Variants in SOX6 observed in about 807,000 individuals in gnomAD.
SOX6 encodes SRY-box transcription factor 6, also known as transcription factor SOX-6.
In SOX6, 11 loss-of-function variants were observed where a neutral mutation model predicts 97.8. The ratio of observed to expected loss-of-function variants is 0.11; its 90% CI spans 0.07 to 0.19. The LOEUF is 0.19. SOX6 is among the 10% of genes least tolerant of loss of function. The pLI is 1.00. For synonymous variants in SOX6, 360 were observed against 371.4 expected (o/e 0.97, Z 0.35); for missense variants, 810 against 1,039.5 (o/e 0.78, Z 3.04).
chr11:15,989,368 G>C lies in SOX6; in HGVS notation c.1733-138C>G, dbSNP rs996884064. The C allele has an allele frequency of 4.6e-6, 3 of 650,250 alleles. No homozygotes were observed. In the East Asian group the frequency reaches 8.3e-5, roughly 18 times the overall value. The allele number at this position is 650,250 out of a possible 1,614,324, so 40.3% of individuals were successfully genotyped here. ...CTAAGTGACTTCTTGGAAGTAGAAG[G>C]CAGGTTCAAATGACAGTTCTACAGG... On this transcript the variant is annotated intron_variant, in intron 13 of 15. Coordinates refer to ENST00000683767, the MANE Select transcript of SOX6 (RefSeq NM_001367873.1).
intron 4 of SOX6, among the ~76,000 whole-genome samples, chr11:16,568,136 A>T (rs776829140): frequency 1.1e-4 from 17 of 152,180 alleles, no homozygotes; most frequent in Admixed American, 6.5e-5. Context: ...ACAAGACATA[A>T]GTAAATTTCT....
intron 1 of SOX6, chr11:16,434,177 T>C (rs1859327478): frequency 6.6e-6 from 1 of 152,116 alleles, no homozygotes; most frequent in South Asian, 2.1e-4. Context: ...AAGTCAACTC[T>C]GCTCTGACTG....
At chr11:16,018,811 A>G (rs1379266263) in intron 12 of SOX6, among the ~76,000 whole-genome samples, 3 of 152,102 alleles carry the variant, frequency 2.0e-5, no homozygotes, top group Admixed American at 6.6e-5. Context: ...ATTATTTTAT[A>G]GTGTCATTAA....
intron 3 of SOX6, among the ~76,000 whole-genome samples, chr11:16,298,574 A>G (rs1855164697): frequency 6.6e-6 from 1 of 152,146 alleles, no homozygotes; most frequent in African/African-American, 2.4e-5. Context: ...CATAGAAACT[A>G]AGGAAATTAT....
At chr11:16,079,115 C>T (rs941177780) in intron 9 of SOX6, among the ~76,000 whole-genome samples, 12 of 152,260 alleles carry the variant, frequency 7.9e-5, no homozygotes, top group Middle Eastern at 3.4e-3. Flanking sequence ...TGGAGATATG[C>T]CAGGGCTGCC....
intron 2 of SOX6, among the ~76,000 whole-genome samples, chr11:16,329,976 T>C (rs922988834): frequency 6.6e-6 from 1 of 152,190 alleles, no homozygotes; most frequent in Non-Finnish European, 1.5e-5. Context: ...TATCCTCTCT[T>C]CATCTAGGGA....
intron 9 of SOX6, among the ~76,000 whole-genome samples, chr11:16,082,480 A>T (rs1198137682): frequency 2.6e-5 from 4 of 152,208 alleles, no homozygotes; most frequent in African/African-American, 9.6e-5. Context: ...ACTGAGAAGC[A>T]ATGTGCTAAA....
intron 11 of SOX6, among the ~76,000 whole-genome samples, 157 bp from the exon 12 acceptor site, chr11:16,046,858 G>C (rs529498614): frequency 3.2e-4 from 48 of 152,268 alleles, no homozygotes; most frequent in African/African-American, 1.1e-3. Flanking sequence ...ATAGAACACA[G>C]AGCCAGGGCA....
chr11:16,412,415 G>T (rs755532216), intron 1 of SOX6, among the ~76,000 whole-genome samples: 32 of 152,160 alleles, frequency 2.1e-4, no homozygotes, highest in Non-Finnish European at 4.0e-4. Flanking sequence ...TTGGCTGTAT[G>T]CATTACAACA....
In SOX6 at chr11:16,510,858, T is replaced by C. The variant is rs148928133; in HGVS notation, n.610-34470A>G. Among the ~76,000 whole-genome samples, 229 of 152,168 alleles carry C rather than the reference T, an allele frequency of 1.5e-3. 1 individual carries two copies. The highest frequency in any genetic ancestry group is 5.1e-3 in the African/African-American group (213 of 41,548). ...TAATTTTTATTCTCCATTTTCCATG[T>C]GGGTAAACTGATTGGGGAGTGGGTG... On this transcript the variant is annotated intron_variant and non_coding_transcript_variant, in intron 4 of 5. Coordinates refer to the SOX6 transcript ENST00000524520.
At chr11:16,266,867 T>C (rs554823517) in intron 3 of SOX6, among the ~76,000 whole-genome samples, 2 of 151,470 alleles carry the variant, frequency 1.3e-5, no homozygotes, top group African/African-American at 4.8e-5. Context: ...ATCATGCATA[T>C]AAAAAACATG....
intron 6 of SOX6, among the ~76,000 whole-genome samples, chr11:16,127,137 G>A (rs1352004718): frequency 6.6e-6 from 1 of 151,898 alleles, no homozygotes; most frequent in African/African-American, 2.4e-5. Flanking sequence ...CAAAGAATAT[G>A]AATAGTAGTT....
At chr11:16,357,609 T>C (rs930268317), upstream of SOX6, among the ~76,000 whole-genome samples, 11 of 152,188 alleles carry the variant, frequency 7.2e-5, no homozygotes, top group African/African-American at 2.7e-4. Flanking sequence ...GACACATTGC[T>C]TGCACATCAT....
At chr11:16,011,851 C>A (rs1299424105) in intron 13 of SOX6, among the ~76,000 whole-genome samples, 1 of 152,066 alleles carries the variant, frequency 6.6e-6, no homozygotes, top group African/African-American at 2.4e-5. Context: ...ACAGAACTTA[C>A]TTATCAACTC....
chr11:16,602,974 T>A (rs949219885), intron 4 of SOX6, among the ~76,000 whole-genome samples: 1 of 151,250 alleles, frequency 6.6e-6, no homozygotes, highest in Non-Finnish European at 1.5e-5. Context: ...TGAGCCGAGA[T>A]CACGCCATTG....
At chr11:16,310,097 A>G (rs771319217) in intron 3 of SOX6, among the ~76,000 whole-genome samples, 9 of 152,134 alleles carry the variant, frequency 5.9e-5, no homozygotes, top group Non-Finnish European at 8.8e-5. Flanking sequence ...GGAGATAGAA[A>G]TGAGCAAGAA....
intron 4 of SOX6, among the ~76,000 whole-genome samples, chr11:16,532,131 AT>A (rs1861245024): frequency 6.6e-6 from 1 of 151,802 alleles, no homozygotes; most frequent in Non-Finnish European, 1.5e-5. Flanking sequence ...CGTAACTAGC[AT>A]TTTTCTACCT....
chr11:16,702,535 T>C (rs1305717708), intron 3 of SOX6, among the ~76,000 whole-genome samples: 1 of 152,192 alleles, frequency 6.6e-6, no homozygotes, highest in East Asian at 1.9e-4. Flanking sequence ...TTAAATTTAC[T>C]CTGTATGTTT....
intron 3 of SOX6, among the ~76,000 whole-genome samples, chr11:16,692,486 C>T (rs890201601): frequency 5.3e-5 from 8 of 152,160 alleles, no homozygotes; most frequent in African/African-American, 1.9e-4. Flanking sequence ...TGCCTTTGCT[C>T]TCATTTGTCT....
Sources: allele counts gnomAD v4.1 joint callset (sites outside exome capture counted in the v4.1 genomes callset), GRCh38; gene constraint gnomAD v4.1.1; transcripts MANE v1.5; gene names NCBI Gene and HGNC (gene_info 2026-07-23, HGNC 2026-07-21).